Variants in ROR2 observed in about 807,000 individuals in gnomAD.
The protein encoded by ROR2 is ROR family WNT receptor 2.
ROR2 carries 33 observed loss-of-function variants against 74.9 expected under a neutral mutation model. That is an observed-to-expected ratio of 0.44 (90% CI 0.33 to 0.59). The LOEUF is 0.59. Ranked by LOEUF, ROR2 falls within the 20% of genes least tolerant of loss-of-function variation. The pLI is 0.02. For synonymous variants in ROR2, 586 were observed against 558.7 expected (o/e 1.05, Z -0.69); for missense variants, 1,216 against 1,313.8 (o/e 0.93, Z 1.15).
At chr9:91,858,297 A>ACACGGGCATACACATCTAAG in intron 1 of ROR2, among the ~76,000 whole-genome samples, 1 of 152,238 alleles carries the variant, frequency 6.6e-6, no homozygotes, top group East Asian at 1.9e-4. Context: ...GCATGCATCC[A>ACACGGGCATACACATCTAAG]CACGGGCATA....
chr9:91,914,406 G>C (rs1338919841), intron 1 of ROR2, among the ~76,000 whole-genome samples: 1 of 152,138 alleles, frequency 6.6e-6, no homozygotes, highest in East Asian at 1.9e-4. Context: ...GATATTTTGG[G>C]CTGTATTATG....
At chr9:91,818,735 A>G (rs1283999611) in intron 1 of ROR2, among the ~76,000 whole-genome samples, 1 of 152,174 alleles carries the variant, frequency 6.6e-6, no homozygotes, top group Non-Finnish European at 1.5e-5. Flanking sequence ...GGTCTTAGCG[A>G]CTGCCCCAGC....
chr9:91,727,378 A>T (rs1320199540), intron 7 of ROR2, among the ~76,000 whole-genome samples: 1 of 151,924 alleles, frequency 6.6e-6, no homozygotes, highest in Non-Finnish European at 1.5e-5. Flanking sequence ...CCAAGATTCA[A>T]GGCCACCAGC....
chr9:91,806,841 G>T (rs2463648), intron 1 of ROR2, among the ~76,000 whole-genome samples: 9 of 152,238 alleles, frequency 5.9e-5, no homozygotes, highest in Admixed American at 2.0e-4. Context: ...CGCCCGCCTC[G>T]GCCACCCAAA....
intron 1 of ROR2, among the ~76,000 whole-genome samples, chr9:91,816,547 C>G (rs577331255): frequency 6.6e-6 from 1 of 152,144 alleles, no homozygotes; most frequent in South Asian, 2.1e-4. Context: ...TGGACCTGAT[C>G]TCCTTGCAGA....
chr9:91,934,658 G>A (rs1345410286), intron 1 of ROR2, among the ~76,000 whole-genome samples: 1 of 151,680 alleles, frequency 6.6e-6, no homozygotes, highest in African/African-American at 2.4e-5. Context: ...AGAAATGTGT[G>A]GTTGGTCAAC....
chr9:91,865,924 T>C (rs545012257), intron 1 of ROR2, among the ~76,000 whole-genome samples: 1 of 152,350 alleles, frequency 6.6e-6, no homozygotes, highest in South Asian at 2.1e-4. Flanking sequence ...CATGGGATGT[T>C]ATCCAAATTT....
intron 1 of ROR2, among the ~76,000 whole-genome samples, chr9:91,934,343 G>A (rs1170855355): frequency 1.3e-5 from 2 of 151,804 alleles, no homozygotes; most frequent in Non-Finnish European, 2.9e-5. Context: ...GGGCCACTTA[G>A]AGATATCTGC....
chr9:91,776,593 CT>C (rs940788807), intron 1 of ROR2, among the ~76,000 whole-genome samples: 2 of 152,224 alleles, frequency 1.3e-5, no homozygotes, highest in African/African-American at 4.8e-5. Context: ...TGCTGCACCC[CT>C]GGGGGAGGAC....
At chr9:91,863,969 G>C (rs909623331) in intron 1 of ROR2, among the ~76,000 whole-genome samples, 1 of 152,086 alleles carries the variant, frequency 6.6e-6, no homozygotes, top group Non-Finnish European at 1.5e-5. Context: ...GAAGGGAAGG[G>C]GAACAGATTC....
chr9:91,786,158 CAAAAAAAAA>C (rs35972600), intron 1 of ROR2, among the ~76,000 whole-genome samples: 5 of 56,540 alleles, frequency 8.8e-5, no homozygotes, highest in Non-Finnish European at 1.2e-4. Flanking sequence ...CTGTTTCTAC[CAAAAAAAAA>C]AAAAAAAAAA....
chr9:91,899,781 T>C (rs1040273197), intron 1 of ROR2, among the ~76,000 whole-genome samples: 1 of 151,990 alleles, frequency 6.6e-6, no homozygotes, highest in South Asian at 2.1e-4. Context: ...ACACAACACA[T>C]GCGCCACAAT....
intron 1 of ROR2, among the ~76,000 whole-genome samples, chr9:91,922,016 G>A (rs1831279495): frequency 1.3e-5 from 2 of 150,884 alleles, no homozygotes; most frequent in African/African-American, 2.4e-5. Context: ...TAGTCACTGG[G>A]AAAATGCAAA....
At chr9:91,926,773 G>A (rs560568330) in intron 1 of ROR2, among the ~76,000 whole-genome samples, 26 of 151,918 alleles carry the variant, frequency 1.7e-4, no homozygotes, top group South Asian at 1.5e-3. Flanking sequence ...CCACTCACAC[G>A]AGGTCCCCAG....
At chr9:91,878,693 C>G (rs1830021334) in intron 1 of ROR2, among the ~76,000 whole-genome samples, 2 of 152,228 alleles carry the variant, frequency 1.3e-5, no homozygotes, top group African/African-American at 4.8e-5. Context: ...GCGGAAAGAG[C>G]CCTTACTCCT....
chr9:91,826,608 C>T lies in ROR2; in HGVS notation c.98-50790G>A, dbSNP rs78160002. On this transcript the variant is annotated intron_variant, in intron 1 of 8. Coordinates refer to ENST00000375708, the MANE Select transcript of ROR2 (RefSeq NM_004560.4). ...CATCCTGGCTAACACAGTGAAACCCCGTCTCTACTAAAAATACAAAAAGAA... is the reference window on the plus strand; with the variant it reads ...CATCCTGGCTAACACAGTGAAACCCTGTCTCTACTAAAAATACAAAAAGAA... 2.8e-3 allele frequency among the ~76,000 whole-genome samples: 425 copies of T among 151,930 alleles called. 12 individuals are homozygous for T. The East Asian group carries it at 0.066, about 24-fold the overall frequency.
chr9:91,758,426 T>A (rs1160654162), intron 2 of ROR2, among the ~76,000 whole-genome samples: 2 of 151,798 alleles, frequency 1.3e-5, no homozygotes, highest in African/African-American at 4.8e-5. Context: ...GCCACAGAAG[T>A]AAAATATTAA....
At chr9:91,756,285 G>A (rs1289853521) in intron 3 of ROR2, among the ~76,000 whole-genome samples, 184 bp from the exon 4 acceptor site, 3 of 152,166 alleles carry the variant, frequency 2.0e-5, no homozygotes, top group African/African-American at 7.2e-5. Context: ...CAAGGGAAGG[G>A]GTGCTTTGTC....
chr9:91,827,835 T>C lies in ROR2; in HGVS notation c.98-52017A>G, dbSNP rs76136753. Among the ~76,000 whole-genome samples the C allele has an allele frequency of 1.1e-3, 174 of 152,364 alleles. 1 individual carries two copies. The East Asian group carries it at 0.03, about 26-fold the overall frequency. On this transcript the variant is annotated intron_variant, in intron 1 of 8. Coordinates refer to ENST00000375708, the MANE Select transcript of ROR2 (RefSeq NM_004560.4). The stretch of plus-strand genomic sequence containing the variant: ...ACTTTTAAAATTGTTATAACAACCA[T>C]AGTAGTTTTCTTCTGAAGAAATGTA...
Sources: allele counts gnomAD v4.1 joint callset (sites outside exome capture counted in the v4.1 genomes callset), GRCh38; gene constraint gnomAD v4.1.1; transcripts MANE v1.5; gene names NCBI Gene and HGNC (gene_info 2026-07-23, HGNC 2026-07-21).